The following VIPR2 variants were observed in gnomAD, a reference collection of about 807,000 sequenced individuals.
The protein encoded by VIPR2 is vasoactive intestinal peptide receptor 2.
In VIPR2, 48 loss-of-function variants were observed where a neutral mutation model predicts 58.0. The ratio of observed to expected loss-of-function variants is 0.83; its 90% confidence interval spans 0.66 to 1.05. The LOEUF is 1.05. Ranked by LOEUF, VIPR2 falls within the 50% of genes least tolerant of loss-of-function variation. The pLI is 0.00. For synonymous variants in VIPR2, 243 were observed against 235.2 expected (o/e 1.03, Z -0.30); for missense variants, 534 against 558.0 (o/e 0.96, Z 0.43).
intron 4 of VIPR2, among the ~76,000 whole-genome samples, chr7:159,071,501 C>T (rs922645563): frequency 5.3e-5 from 8 of 152,226 alleles, no homozygotes; most frequent in Non-Finnish European, 1.2e-4. Flanking sequence ...CATGGTTCCT[C>T]AGTTGTGCCT....
chr7:159,142,333 T>G, intron 2 of VIPR2, 113 bp downstream of exon 2: 3 of 773,350 alleles, frequency 3.9e-6, no homozygotes, highest in Non-Finnish European at 4.1e-6. Context: ...TGGCCTTTCT[T>G]TTTCTTTTTT....
Position 159,031,062 on chromosome 7 carries a change from A to G in VIPR2, c.1144-273T>C, listed in dbSNP as rs113952721. Reference sequence around the variant, plus strand: ...ACTGCCGCGGTAAGCGCAGTCCCACAGTCTCAGATAGTTAATATTTCTCTG... The same window carrying G: ...ACTGCCGCGGTAAGCGCAGTCCCACGGTCTCAGATAGTTAATATTTCTCTG... On this transcript the variant is annotated intron_variant, in intron 12 of 12. Transcript: ENST00000262178. This position sits in a 1 kb window ranked among gnomAD's most constrained non-coding sequence, Gnocchi z 4.0. Among the ~76,000 whole-genome samples the G allele has an allele frequency of 1.3e-3, 193 of 152,304 alleles. No homozygotes were observed. Among genetic ancestry groups the G allele is most frequent in the African/African-American group, 4.4e-3 (185 of 41,576 alleles).
chr7:159,070,076 A>G (rs1856302003), intron 4 of VIPR2, among the ~76,000 whole-genome samples: 1 of 152,226 alleles, frequency 6.6e-6, no homozygotes, highest in Non-Finnish European at 1.5e-5. Flanking sequence ...ACTCAGCAAC[A>G]GCCAACGCCA....
intron 5 of VIPR2, among the ~76,000 whole-genome samples, chr7:159,054,073 C>T (rs945297524): frequency 6.6e-6 from 1 of 152,180 alleles, no homozygotes; most frequent in African/African-American, 2.4e-5. Flanking sequence ...GGCCCCCACA[C>T]ATGCCACTGC....
At chr7:159,058,670 C>A in intron 4 of VIPR2, 92 bp from the exon 5 acceptor site, 1 of 958,874 alleles carries the variant, frequency 1.0e-6, no homozygotes, top group Non-Finnish European at 1.6e-6. Context: ...GTGCTCTGGC[C>A]ATGAAGGACT....
chr7:159,123,346 CTTCT>C (rs1356295433), intron 2 of VIPR2, among the ~76,000 whole-genome samples: 1 of 146,914 alleles, frequency 6.8e-6, no homozygotes, highest in African/African-American at 2.5e-5. Context: ...TGTCTGTTTC[CTTCT>C]TTGTGTTCAT....
chr7:159,066,985 T>C (rs1856126853), intron 4 of VIPR2, among the ~76,000 whole-genome samples: 1 of 152,158 alleles, frequency 6.6e-6, no homozygotes, highest in South Asian at 2.1e-4. Context: ...GCACTGGCGC[T>C]CTCCAGCACG....
rs115242449 is a variant in VIPR2 at position 159,094,435 on chromosome 7, C to G, written c.357+9322G>C. Among the ~76,000 whole-genome samples, 450 of 152,374 alleles carry G rather than the reference C, an allele frequency of 3.0e-3. 1 individual carries two copies. Among genetic ancestry groups the G allele is most frequent in the African/African-American group, 9.5e-3 (396 of 41,592 alleles). On this transcript the variant is annotated intron_variant, in intron 4 of 12. Transcript: ENST00000262178. ...CCCTTGGAGCCCCTGACCCGTCAGCCAGGGCTGGCACTCAGGAACCAGAGC... is the reference window on the plus strand; with the variant it reads ...CCCTTGGAGCCCCTGACCCGTCAGCGAGGGCTGGCACTCAGGAACCAGAGC...
intron 2 of VIPR2, among the ~76,000 whole-genome samples, chr7:159,118,904 C>T (rs1161847943): frequency 6.6e-6 from 1 of 152,226 alleles, no homozygotes; most frequent in Non-Finnish European, 1.5e-5. Context: ...GCGCTTTGTG[C>T]ACTCCTACAG....
In VIPR2 at chr7:159,099,043, C is replaced by G. The variant is rs961547071; in HGVS notation, c.357+4714G>C. Among the ~76,000 whole-genome samples, 2 of 152,226 alleles carry G rather than the reference C, an allele frequency of 1.3e-5. No homozygotes were observed. The highest frequency in any genetic ancestry group is 4.8e-5 in the African/African-American group (2 of 41,454). On this transcript the variant is annotated intron_variant, in intron 4 of 12. Transcript: ENST00000262178. The surrounding 1 kb of genome is among the most constrained non-coding windows in gnomAD (Gnocchi z 4.2). Reference sequence around the variant, plus strand: ...CTTGCAGCCTCCAGAGCCGCCTGTGCTATGTGCTGTTGCTTCGTCTTGGAA... The same window carrying G: ...CTTGCAGCCTCCAGAGCCGCCTGTGGTATGTGCTGTTGCTTCGTCTTGGAA...
intron 5 of VIPR2, among the ~76,000 whole-genome samples, chr7:159,048,934 G>A (rs1387952912): frequency 6.6e-6 from 1 of 152,128 alleles, no homozygotes; most frequent in African/African-American, 2.4e-5. Context: ...AGGCATGGAG[G>A]ACCCTTCTCT....
In VIPR2 at chr7:159,097,071, G is replaced by C. The variant is rs1857903207; in HGVS notation, c.357+6686C>G. On this transcript the variant is annotated intron_variant, in intron 4 of 12. Coordinates refer to ENST00000262178, the MANE Select transcript of VIPR2 (RefSeq NM_003382.5). This position sits in a 1 kb window ranked among gnomAD's most constrained non-coding sequence, Gnocchi z 5.3. ...CTGGCAGGCTCCTCCTGGCACCCTG[G>C]GAGGCTGGTGTGTCCTTGCAGGGTT... 7.8e-6 allele frequency: 12 copies of C among 1,543,778 alleles called. No individual in the cohort carries two copies. Among genetic ancestry groups the C allele is most frequent in the Non-Finnish European group, 9.6e-6 (11 of 1,142,774 alleles).
Position 159,097,293 on chromosome 7 carries a change from A to C in VIPR2, c.357+6464T>G. 7.5e-7 allele frequency: 1 copy of C among 1,333,052 alleles called. No homozygotes were observed. The highest frequency in any genetic ancestry group is 3.2e-5 in the Admixed American group (1 of 31,472). 82.6% of individuals were successfully genotyped at this position (1,333,052 alleles called of 1,614,324 possible). A position where few individuals can be genotyped will look rare whatever the true frequency, so the allele number is the denominator to read the frequency against. On this transcript the variant is annotated intron_variant, in intron 4 of 12. Coordinates refer to ENST00000262178, the MANE Select transcript of VIPR2 (RefSeq NM_003382.5). This position sits in a 1 kb window ranked among gnomAD's most constrained non-coding sequence, Gnocchi z 5.3. ...TAGGGATGTGGCGTAACACGGAAGA[A>C]ATGTGTGCACTTGAAGCATGGGGAG...
chr7:159,056,296 A>T (rs986296210), intron 5 of VIPR2, among the ~76,000 whole-genome samples: 1 of 149,162 alleles, frequency 6.7e-6, no homozygotes, highest in Non-Finnish European at 1.5e-5. Flanking sequence ...TTGCCCCTTC[A>T]GGACCCGTGG....
rs1402581244 is a variant in VIPR2 at position 159,034,650 on chromosome 7, A to G, written c.810T>C (p.Gly270=). Residue 270 remains glycine, a splice_region_variant and synonymous_variant, in exon 9 of 13, where the codon GGT becomes GGC. Transcript: ENST00000262178. ...CACTGTGGTCGTTTGTATCCCAGCA[A>G]CTGTCAGAGAGAGATGGGAAATCAG... ...TAARLYLEDT[G]CWDTNDHSVP... 2.5e-6 allele frequency: 4 copies of G among 1,613,570 alleles called. No homozygotes were observed. The highest frequency in any genetic ancestry group is 2.2e-5 in the South Asian group (2 of 91,048).
chr7:159,039,581 C>T (rs565915463), intron 6 of VIPR2, among the ~76,000 whole-genome samples: 1 of 66,982 alleles, frequency 1.5e-5, no homozygotes, highest in Admixed American at 1.6e-4. Context: ...GCCCCACCCG[C>T]TGTGGGAGGG....
intron 5 of VIPR2, among the ~76,000 whole-genome samples, chr7:159,046,068 CAAAATA>C (rs1563269259): frequency 6.6e-6 from 1 of 151,718 alleles, no homozygotes. Flanking sequence ...ATTAAGAAAA[CAAAATA>C]AAAAGTATTG....
At chr7:159,118,052 CG>C (rs1288839537) in intron 2 of VIPR2, among the ~76,000 whole-genome samples, 2 of 152,192 alleles carry the variant, frequency 1.3e-5, no homozygotes. Flanking sequence ...CTGGTTCTCA[CG>C]GGGAGCTCAG....
At chr7:159,059,384 A>G (rs1245371612) in intron 4 of VIPR2, 1 of 470,478 alleles carries the variant, frequency 2.1e-6, no homozygotes, top group Admixed American at 2.4e-5. Context: ...GAAACAATCC[A>G]CGTGTGCTTA....
Sources: allele counts gnomAD v4.1 joint callset (sites outside exome capture counted in the v4.1 genomes callset), GRCh38; gene constraint gnomAD v4.1.1; non-coding constraint Gnocchi (gnomAD v3.1); transcripts MANE v1.5; gene names NCBI Gene and HGNC (gene_info 2026-07-23, HGNC 2026-07-21).